PLCE1: variants seen among roughly 807,000 people sequenced by gnomAD.
PLCE1 encodes 1-phosphatidylinositol 4,5-bisphosphate phosphodiesterase epsilon-1.
PLCE1 carries 119 observed loss-of-function variants against 242.8 expected under a neutral mutation model. The observed-to-expected ratio is 0.49, with a 90% CI of 0.42 to 0.57. The LOEUF is 0.57. PLCE1 is among the 20% of genes least tolerant of loss of function. The pLI, the probability that PLCE1 is intolerant of heterozygous loss-of-function variation, is 0.00. For missense variants in PLCE1, 2,441 were observed against 2,788.8 expected, an observed-to-expected ratio of 0.88 and a Z score of 2.81; for synonymous variants, 945 against 1,017.4, an observed-to-expected ratio of 0.93 and a Z score of 1.35.
intron 21 of PLCE1, among the ~76,000 whole-genome samples, chr10:94,284,631 C>T (rs574214829): frequency 3.9e-5 from 6 of 152,124 alleles, no homozygotes; most frequent in Admixed American, 6.5e-5. Flanking sequence ...GACAGTGGAC[C>T]ATGCACTGAG....
intron 4 of PLCE1, among the ~76,000 whole-genome samples, chr10:94,205,545 C>G (rs1042322836): frequency 1.3e-4 from 20 of 152,186 alleles, no homozygotes; most frequent in Non-Finnish European, 1.8e-4. Context: ...ATAAATAGAA[C>G]ATGGAAAAGA....
chr10:94,179,515 T>TTTC (rs200465895), intron 4 of PLCE1, among the ~76,000 whole-genome samples: 1 of 16,156 alleles, frequency 6.2e-5, no homozygotes, highest in Non-Finnish European at 1.4e-4. Flanking sequence ...TAGTTTAGTT[T>TTTC]TTTTTTTTTT....
At chr10:94,230,611 T>TA (rs71306821) in intron 5 of PLCE1, among the ~76,000 whole-genome samples, 31,830 of 146,944 alleles carry the variant, frequency 0.22, 3,927 homozygotes, top group Middle Eastern at 0.33. Flanking sequence ...AGGCATGAGG[T>TA]AAAAAACAAT....
chr10:94,253,280 G>A (rs1379667849), intron 9 of PLCE1, among the ~76,000 whole-genome samples: 1 of 152,186 alleles, frequency 6.6e-6, no homozygotes, highest in Non-Finnish European at 1.5e-5. Context: ...TTACAGTCAT[G>A]GCAGAAGGTG....
intron 2 of PLCE1, among the ~76,000 whole-genome samples, chr10:94,070,193 A>G (rs1052868433): frequency 5.9e-5 from 9 of 152,226 alleles, no homozygotes; most frequent in African/African-American, 2.2e-4. Flanking sequence ...ATAATGACTT[A>G]TCTTCTTATC....
rs539813481 is a variant in PLCE1 at position 94,293,586 on chromosome 10, C to T, written c.5114C>T (p.Pro1705Leu). Residue 1705 changes from proline to leucine, a missense_variant, in exon 23 of 33, where the codon CCG becomes CTG. Pro to Leu is a moderately conservative substitution (Grantham distance 98). This residue lies in a region of PLCE1 where 1,004 missense variants were observed against 1,322.7 expected (regional missense o/e 0.76). Coordinates refer to ENST00000371380, the MANE Select transcript of PLCE1 (RefSeq NM_016341.4). ...AGGAAGTCCATTTTTGGCAACAATC[C>T]GGGCAGAATGAGCCCAGGGGAGACA... is the stretch of plus-strand genomic sequence containing the variant. Reference protein sequence around the residue: ...KSRKSIFGNNPGRMSPGETAS... With the variant: ...KSRKSIFGNNLGRMSPGETAS... The T allele has an allele frequency of 1.5e-5, 25 of 1,613,854 alleles. No homozygotes were observed. The highest frequency in any genetic ancestry group is 1.6e-4 in the Middle Eastern group (1 of 6,062).
In PLCE1 at chr10:94,051,286, C is replaced by CAAAAAAA. The variant is rs869233995; in HGVS notation, c.1206+19054_1206+19060dup. Among the ~76,000 whole-genome samples the CAAAAAAA allele has an allele frequency of 6.2e-3, 181 of 29,368 alleles. 31 individuals carry two copies. Among genetic ancestry groups the CAAAAAAA allele is most frequent in the African/African-American group, 0.012 (127 of 10,936 alleles). 19.3% of individuals were successfully genotyped at this position (29,368 alleles called of 152,430 possible). ...TGGGTGATAGAGCGAGACTCCAACT[C>CAAAAAAA]AAAAAAAAAAAAAAAAAAAAAAAAA... On this transcript the variant is annotated intron_variant, in intron 2 of 32. Transcript: ENST00000371380.
chr10:94,115,022 G>T (rs1462806321), intron 2 of PLCE1, among the ~76,000 whole-genome samples: 1 of 151,690 alleles, frequency 6.6e-6, no homozygotes, highest in Non-Finnish European at 1.5e-5. Flanking sequence ...GCGATGTTTG[G>T]TTTTTTGTCC....
At chr10:94,122,735 A>G (rs1590071007) in intron 2 of PLCE1, among the ~76,000 whole-genome samples, 1 of 152,202 alleles carries the variant, frequency 6.6e-6, no homozygotes, top group East Asian at 1.9e-4. Flanking sequence ...GAAAGGTAAC[A>G]TGTTCTCCTT....
At position 94,252,317 on chromosome 10, in the gene PLCE1, A is replaced by C. The variant is rs2050907070; in HGVS notation, c.3098A>C (p.Glu1033Ala). 4 of 1,613,838 alleles carry C rather than the reference A, an allele frequency of 2.5e-6. No homozygotes were observed. Among genetic ancestry groups the C allele is most frequent in the Non-Finnish European group, 3.4e-6 (4 of 1,179,916 alleles). ...GTTCACCATGTGGCTCTTTCACAGG[A>C]GGATGGACGGTATGAAGGCCCAACT... is the stretch of plus-strand genomic sequence containing the variant. ...LRKQYVSLYQ[E>A]DGRYEGPTLA... The change falls in exon 9 of 33, where the codon GAG becomes GCG. Residue 1033 changes from glutamate (E) to alanine (A), a missense_variant and splice_region_variant. This residue lies in a region of PLCE1 where 1,004 missense variants were observed against 1,322.7 expected (regional missense o/e 0.76). Coordinates refer to ENST00000371380, the MANE Select transcript of PLCE1 (RefSeq NM_016341.4).
chr10:94,052,846 T>A (rs2043801990), intron 2 of PLCE1, among the ~76,000 whole-genome samples: 1 of 152,212 alleles, frequency 6.6e-6, no homozygotes, highest in South Asian at 2.1e-4. Flanking sequence ...TAAGGTGTGC[T>A]TCATATTATT....
At chr10:94,005,219 T>G (rs1002118090) in intron 1 of PLCE1, among the ~76,000 whole-genome samples, 2 of 152,184 alleles carry the variant, frequency 1.3e-5, no homozygotes, top group African/African-American at 2.4e-5. Context: ...AGACAGCAAA[T>G]GCTCACCTTG....
chr10:94,213,648 G>C (rs1226821834), intron 4 of PLCE1, among the ~76,000 whole-genome samples: 1 of 151,934 alleles, frequency 6.6e-6, no homozygotes, highest in Non-Finnish European at 1.5e-5. Context: ...CTCCTTTCTG[G>C]CTTCTTTGAA....
rs2052709838 is a variant in PLCE1 at position 94,293,543 on chromosome 10, G to A, written c.5071G>A (p.Gly1691Arg). The A allele has an allele frequency of 6.2e-7, 1 of 1,613,828 alleles. No individual in the cohort carries two copies. Among genetic ancestry groups the A allele is most frequent in the Non-Finnish European group, 8.5e-7 (1 of 1,179,820 alleles). ...TCTAAATGCATCTGGCTCTAGCAGA[G>A]GAAAAGAAAGGAAAAGCAGGAAGTC... ...STLNASGSSR[G>R]KERKSRKSIF... The change falls in exon 23 of 33, where the codon GGA becomes AGA. Residue 1691 changes from glycine (G) to arginine (R), a missense_variant. Coordinates refer to ENST00000371380, the MANE Select transcript of PLCE1 (RefSeq NM_016341.4).
At chr10:94,158,798 T>A (rs975952558) in intron 3 of PLCE1, among the ~76,000 whole-genome samples, 3 of 151,638 alleles carry the variant, frequency 2.0e-5, no homozygotes, top group Middle Eastern at 3.2e-3. Flanking sequence ...ACAAAAACAT[T>A]AGCAGAGATT....
At chr10:94,279,071 T>C (rs1417134249) in intron 19 of PLCE1, among the ~76,000 whole-genome samples, 1 of 152,228 alleles carries the variant, frequency 6.6e-6, no homozygotes, top group African/African-American at 2.4e-5. Flanking sequence ...CCCGTTTAGA[T>C]TGTTTCCTGC....
intron 4 of PLCE1, among the ~76,000 whole-genome samples, chr10:94,204,664 C>G (rs1316316823): frequency 6.8e-6 from 1 of 146,326 alleles, no homozygotes; most frequent in Non-Finnish European, 1.5e-5. Flanking sequence ...GAAACTCTGT[C>G]CCGAAAGAAA....
intron 4 of PLCE1, among the ~76,000 whole-genome samples, chr10:94,178,160 T>G (rs574359247): frequency 6.6e-6 from 1 of 152,308 alleles, no homozygotes; most frequent in South Asian, 2.1e-4. Flanking sequence ...CACTCTTTTG[T>G]GTAACAGACA....
At position 94,306,898 on chromosome 10, in the gene PLCE1, A is replaced by G. The variant is rs2053223327; in HGVS notation, c.5884+210A>G. On this transcript the variant is annotated intron_variant, in intron 26 of 32. Transcript: ENST00000371380. This position sits in a 1 kb window ranked among gnomAD's most constrained non-coding sequence, Gnocchi z 5.7. ...TTTTTAAGAATCTGAGGTATTAACA[A>G]TATCCCTTGTAAAGTACAGCCTCAC... 6.6e-6 allele frequency among the ~76,000 whole-genome samples: 1 copy of G among 152,254 alleles called. No homozygotes were observed. The highest frequency in any genetic ancestry group is 2.4e-5 in the African/African-American group (1 of 41,474).
Sources: allele counts gnomAD v4.1 joint callset (sites outside exome capture counted in the v4.1 genomes callset), GRCh38; gene constraint gnomAD v4.1.1; regional missense constraint gnomAD v4.1.1; non-coding constraint Gnocchi (gnomAD v3.1); transcripts MANE v1.5; gene names NCBI Gene and HGNC (gene_info 2026-07-23, HGNC 2026-07-21).